The following FBXL8 variants were observed in gnomAD, a reference collection of about 807,000 sequenced individuals.
FBXL8 encodes F-box/LRR-repeat protein 8.
Under a neutral mutation model 8.2 loss-of-function variants are expected in FBXL8, and 13 were observed. The ratio of observed to expected loss-of-function variants is 1.58; its 90% CI spans 1.03 to 2.51. FBXL8 has a LOEUF of 2.51. Among genes scored for constraint, FBXL8 ranks in the 30% most tolerant of loss-of-function variants. The pLI is 0.00. For missense variants in FBXL8, 565 were observed against 540.4 expected (o/e 1.05, Z -0.45); for synonymous variants, 271 against 260.5 (o/e 1.04, Z -0.39).
At position 67,161,893 on chromosome 16, in the gene FBXL8, C is replaced by A; in HGVS notation, c.108C>A (p.Ala36=). The A allele has an allele frequency of 6.2e-7, 1 of 1,611,218 alleles. No individual in the cohort carries two copies. ...AAAARVCRAW[A]AAATCSAVWH... ...CCGCCAGGGTCTGCAGGGCCTGGGC[C>A]GCCGCTGCTACCTGCAGCGCCGTGT... Residue 36 remains alanine, a synonymous_variant, in exon 2 of 3, where the codon GCC becomes GCA. Coordinates refer to ENST00000258200, the MANE Select transcript of FBXL8 (RefSeq NM_018378.3).
At chr16:67,161,994 T>G (rs766655231) in intron 2 of FBXL8, 57 bp downstream of exon 2, 32 of 1,510,196 alleles carry the variant, frequency 2.1e-5, no homozygotes, top group Non-Finnish European at 2.8e-5. Context: ...CTCCGTGGAG[T>G]CGTGGGCTAG....
At position 67,163,146 on chromosome 16, in the gene FBXL8, G is replaced by C. The variant is rs757752616; in HGVS notation, c.451G>C (p.Asp151His). 1.9e-6 allele frequency: 3 copies of C among 1,569,544 alleles called. No individual in the cohort carries two copies. The highest frequency in any genetic ancestry group is 3.7e-5 in the Admixed American group (2 of 54,686). Residue 151 changes from aspartate to histidine, a missense_variant, in exon 3 of 3, where the codon GAC becomes CAC. Physicochemically the swap from Asp to His is moderately conservative, Grantham distance 81 (BLOSUM62 -1). Transcript: ENST00000258200. ...GCGGCGCTTGTCCTTCACACTGGAC[G>C]ACGCGCTGGTGCTGCAGGCGGCGCG... ...DLRRLSFTLD[D>H]ALVLQAARSC...
chr16:67,162,937 C>G lies in FBXL8; in HGVS notation c.242C>G (p.Ser81Trp). 1 of 1,556,764 alleles carries G rather than the reference C, an allele frequency of 6.4e-7. No individual in the cohort carries two copies. The highest frequency in any genetic ancestry group is 1.2e-5 in the South Asian group (1 of 84,542). ...AACCTACGGCTGGAATTTGAGCCAT[C>G]GAGGAAGCCGAGCCGCCGGGCGGCC... Reference protein sequence around the residue: ...IHNLRLEFEPSRKPSRRAAIE... With the variant: ...IHNLRLEFEPWRKPSRRAAIE... The change falls in exon 3 of 3, where the codon TCG (serine) becomes TGG (tryptophan). Residue 81 changes from serine (S) to tryptophan (W), a missense_variant. Ser to Trp is a radical substitution (Grantham distance 177). Coordinates refer to ENST00000258200, the MANE Select transcript of FBXL8 (RefSeq NM_018378.3).
intron 2 of FBXL8, chr16:67,162,308 A>G (rs1028561196): frequency 4.3e-5 from 19 of 440,716 alleles, no homozygotes; most frequent in Non-Finnish European, 7.4e-5. Context: ...CAGCTTGGCG[A>G]CAGAGTAACA....
Position 67,163,088 on chromosome 16 carries a change from C to T in FBXL8, c.393C>T (p.Cys131=), listed in dbSNP as rs1267167429. 3.2e-6 allele frequency: 5 copies of T among 1,580,834 alleles called. No homozygotes were observed. The highest frequency in any genetic ancestry group is 1.7e-4 in the Middle Eastern group (1 of 5,978). ...TCCTGGAGGCTGTGCACGCTGTATG[C>T]GGGGCGGCCAGCCAGCTACGCCACC... The part of the protein sequence containing the change: ...RDVLEAVHAV[C]GAASQLRHLD... The change falls in exon 3 of 3, where the codon TGC becomes TGT. Residue 131 remains cysteine, a synonymous_variant. Transcript: ENST00000258200.
rs2030909897 is a variant in FBXL8 at position 67,161,723 on chromosome 16, G to C, written c.-51-12G>C. 6.7e-7 allele frequency: 1 copy of C among 1,481,482 alleles called. No individual in the cohort carries two copies. Among genetic ancestry groups the C allele is most frequent in the Non-Finnish European group, 9.0e-7 (1 of 1,110,028 alleles). 91.8% of individuals were successfully genotyped at this position (1,481,482 alleles called of 1,614,324 possible). On this transcript the variant is annotated splice_polypyrimidine_tract_variant and intron_variant, in intron 1 of 2. Coordinates refer to ENST00000258200, the MANE Select transcript of FBXL8 (RefSeq NM_018378.3). ...CGCCTTCCCGACCTCAGAGACGTCC[G>C]TCTCTCTCCAGGCCGGAGCTATTGG...
At position 67,164,157 on chromosome 16, in the gene FBXL8, TAAAC is replaced by T. The variant is rs1176437037; in HGVS notation, c.*341_*344del. 6.7e-6 allele frequency: 4 copies of T among 599,954 alleles called. No individual in the cohort carries two copies. The highest frequency in any genetic ancestry group is 3.1e-5 in the South Asian group (2 of 64,238). 37.2% of individuals were successfully genotyped at this position (599,954 alleles called of 1,614,324 possible). A position where few individuals can be genotyped will look rare whatever the true frequency, so the allele number is the denominator to read the frequency against. On this transcript the variant is annotated 3_prime_UTR_variant, in exon 3 of 3. Coordinates refer to ENST00000258200, the MANE Select transcript of FBXL8 (RefSeq NM_018378.3). Reference sequence around the variant, plus strand: ...CCGGGCCTCAAGGGTGAGTGTGAAATAAACAAATCCTGCAGTGTTTCTGCGTCCT... The same window carrying T: ...CCGGGCCTCAAGGGTGAGTGTGAAATAAATCCTGCAGTGTTTCTGCGTCCT...
intron 1 of FBXL8, chr16:67,161,388 A>G (rs983054487): frequency 6.6e-5 from 11 of 166,190 alleles, no homozygotes; most frequent in Non-Finnish European, 1.4e-4. Context: ...GGGTGCAGTG[A>G]GTTGTGATTG....
Position 67,161,900 on chromosome 16 carries a change from G to T in FBXL8, c.115G>T (p.Ala39Ser), listed in dbSNP as rs1471976521. 1 of 1,611,002 alleles carries T rather than the reference G, an allele frequency of 6.2e-7. No individual in the cohort carries two copies. Among genetic ancestry groups the T allele is most frequent in the Non-Finnish European group, 8.5e-7 (1 of 1,179,140 alleles). The change falls in exon 2 of 3, where the codon GCT becomes TCT. Residue 39 changes from alanine (A) to serine (S), a missense_variant. Ala to Ser is a moderately conservative substitution (Grantham distance 99). Transcript: ENST00000258200. ...ARVCRAWAAA[A>S]TCSAVWHDTK... The stretch of plus-strand genomic sequence containing the variant: ...GGTCTGCAGGGCCTGGGCCGCCGCT[G>T]CTACCTGCAGCGCCGTGTGGCACGA...
chr16:67,161,610 T>C, intron 1 of FBXL8, 125 bp from the exon 2 acceptor site: 2 of 667,552 alleles, frequency 3.0e-6, no homozygotes, highest in African/African-American at 1.9e-5. Context: ...TTCGGGGTTA[T>C]CTGATGCCCC....
In FBXL8 at chr16:67,163,687, G is replaced by A; in HGVS notation, c.992G>A (p.Arg331His). ...CTGGCGGCGCGCTGCGCGGCCCTGCGCGAGGTGCATTGTTTCTGCGTGGTG... is the reference window on the plus strand; with the variant it reads ...CTGGCGGCGCGCTGCGCGGCCCTGCACGAGGTGCATTGTTTCTGCGTGGTG... Reference protein sequence around the residue: ...EELAARCAALREVHCFCVVSH... With the variant: ...EELAARCAALHEVHCFCVVSH... The change falls in exon 3 of 3, where the codon CGC becomes CAC. Residue 331 changes from arginine (R) to histidine (H), a missense_variant. Arg to His is a conservative substitution (Grantham distance 29). Coordinates refer to ENST00000258200, the MANE Select transcript of FBXL8 (RefSeq NM_018378.3). 6.3e-7 allele frequency: 1 copy of A among 1,587,372 alleles called. No homozygotes were observed. The highest frequency in any genetic ancestry group is 8.5e-7 in the Non-Finnish European group (1 of 1,174,576).
In FBXL8 at chr16:67,163,885, C is replaced by A; in HGVS notation, c.*65C>A. ...CTCTGAGAGGGAACGGGGGGGGTGT[C>A]CAGGCGCGCCCCGAGTGCTAGTGCC... On this transcript the variant is annotated 3_prime_UTR_variant, in exon 3 of 3. Transcript: ENST00000258200. 6.6e-7 allele frequency: 1 copy of A among 1,510,708 alleles called. No individual in the cohort carries two copies. Among genetic ancestry groups the A allele is most frequent in the Non-Finnish European group, 8.8e-7 (1 of 1,136,796 alleles). The allele number at this position is 1,510,708 out of a possible 1,614,324, so 93.6% of individuals were successfully genotyped here.
Position 67,163,754 on chromosome 16 carries a change from C to T in FBXL8, c.1059C>T (p.Arg353=). 6.3e-7 allele frequency: 1 copy of T among 1,592,970 alleles called. No individual in the cohort carries two copies. The highest frequency in any genetic ancestry group is 1.3e-5 in the African/African-American group (1 of 74,476). The change falls in exon 3 of 3, where the codon CGC becomes CGT. Residue 353 remains arginine (R), a synonymous_variant. Transcript: ENST00000258200. ...VLDAFRAHCP[R]LRTYTLKLTR... ...ACGCCTTCCGCGCGCACTGCCCGCG[C>T]CTGCGCACCTATACCCTCAAGCTCA...
chr16:67,163,310 C>G lies in FBXL8; in HGVS notation c.615C>G (p.His205Gln). ...ALGLHLASLS[H>Q]AILEALAAPD... is the part of the protein sequence containing the mutation. ...GCCTGCACCTAGCCAGTTTGTCGCA[C>G]GCCATCCTCGAAGCACTGGCGGCGC... The change falls in exon 3 of 3, where the codon CAC (histidine) becomes CAG (glutamine). Residue 205 changes from histidine (H) to glutamine (Q), a missense_variant. Physicochemically the swap from His to Gln is conservative, Grantham distance 24. Transcript: ENST00000258200. 6.3e-7 allele frequency: 1 copy of G among 1,574,880 alleles called. No homozygotes were observed. The highest frequency in any genetic ancestry group is 8.6e-7 in the Non-Finnish European group (1 of 1,163,280).
chr16:67,161,751 G>T lies in FBXL8; in HGVS notation c.-35G>T, dbSNP rs372103875. 2 of 1,547,368 alleles carry T rather than the reference G, an allele frequency of 1.3e-6. No homozygotes were observed. The highest frequency in any genetic ancestry group is 1.4e-5 in the African/African-American group (1 of 73,002). Reference sequence around the variant, plus strand: ...TCTCTCCAGGCCGGAGCTATTGGGAGTGGCGGATCCTCCCACCCCAGCCGG... The same window carrying T: ...TCTCTCCAGGCCGGAGCTATTGGGATTGGCGGATCCTCCCACCCCAGCCGG... On this transcript the variant is annotated 5_prime_UTR_variant, in exon 2 of 3. Transcript: ENST00000258200.
At chr16:67,160,092 G>A (rs915474484) in intron 1 of FBXL8, 36 bp downstream of exon 1, 3 of 152,278 alleles carry the variant, frequency 2.0e-5, no homozygotes. Flanking sequence ...ACGGCAGGAA[G>A]ACCCGACTTT....
rs1317254886 is a variant in FBXL8, at chr16:67,163,397, GT to G, written c.703del (p.Ser235ProfsTer33). Reference sequence around the variant, plus strand: ...GCGCGTGCCCCGAAGATGCACGCGCGTCCCCGCTGCCCAACGAAGCCTGGGT... The same window carrying G: ...GCGCGTGCCCCGAAGATGCACGCGCGCCCCGCTGCCCAACGAAGCCTGGGT... ...RCACPEDARA[S>X]PLPNEAWVAL... On this transcript the variant is annotated frameshift_variant, in exon 3 of 3. Transcript: ENST00000258200. LOFTEE classifies it low-confidence loss of function (END_TRUNC). 6.5e-7 allele frequency: 1 copy of G among 1,538,760 alleles called. No individual in the cohort carries two copies. Among genetic ancestry groups the G allele is most frequent in the African/African-American group, 1.4e-5 (1 of 72,896 alleles).
rs2030965554 is a variant in FBXL8 at position 67,162,855 on chromosome 16, T to C, written c.160T>C (p.Cys54Arg). Residue 54 changes from cysteine to arginine, a missense_variant, in exon 3 of 3, where the codon TGT becomes CGT. Coordinates refer to ENST00000258200, the MANE Select transcript of FBXL8 (RefSeq NM_018378.3). ...GCACGGCTCTAACCCAAGTTGCGAA[T>C]GTGAGCTGGAAGGCATGCTGCCACC... ...VWHDTKISCE[C>R]ELEGMLPPYL... The C allele has an allele frequency of 3.9e-6, 6 of 1,551,240 alleles. No homozygotes were observed. In the Admixed American group the frequency reaches 9.8e-5, roughly 25 times the overall value.
rs1356417594 is a variant in FBXL8 at position 67,162,888 on chromosome 16, T to C, written c.193T>C (p.Ser65Pro). The C allele has an allele frequency of 1.3e-6, 2 of 1,551,292 alleles. No homozygotes were observed. Among genetic ancestry groups the C allele is most frequent in the Admixed American group, 2.0e-5 (1 of 51,040 alleles). The change falls in exon 3 of 3, where the codon TCC becomes CCC. Residue 65 changes from serine (S) to proline (P), a missense_variant. Coordinates refer to ENST00000258200, the MANE Select transcript of FBXL8 (RefSeq NM_018378.3). ...ELEGMLPPYL[S>P]ACLDHIHNLR... is the part of the protein sequence containing the mutation. ...GGAAGGCATGCTGCCACCTTATCTG[T>C]CCGCCTGCCTCGACCACATTCACAA...
Sources: allele counts gnomAD v4.1 joint callset, GRCh38; gene constraint gnomAD v4.1.1; transcripts MANE v1.5; gene names NCBI Gene and HGNC (gene_info 2026-07-23, HGNC 2026-07-21).